Variants in RFC5 observed in about 807,000 individuals in gnomAD.
RFC5 encodes the protein replication factor C subunit 5, also known as A1 36 kDa subunit.
In RFC5, 26 loss-of-function variants were observed where a neutral mutation model predicts 44.3. That is an observed-to-expected ratio of 0.59 (90% CI 0.43 to 0.81). RFC5 has a LOEUF of 0.81. RFC5 is among the 40% of genes least tolerant of loss of function. The probability of loss-of-function intolerance (pLI) is 0.00; values close to 1 mark genes in which losing one functional copy is unlikely to be tolerated. For synonymous variants in RFC5, 155 were observed against 155.2 expected, an observed-to-expected ratio of 1.00 and a Z score of 0.01; for missense variants, 328 against 418.6, an observed-to-expected ratio of 0.78 and a Z score of 1.89.
intron 8 of RFC5, chr12:118,027,413 C>G: frequency 5.7e-6 from 1 of 174,154 alleles, no homozygotes; most frequent in East Asian, 1.7e-4. Context: ...TGGCTCATGC[C>G]TATAATCCCA....
intron 10 of RFC5, among the ~76,000 whole-genome samples, chr12:118,030,801 G>C (rs999567503): frequency 6.6e-6 from 1 of 152,116 alleles, no homozygotes; most frequent in African/African-American, 2.4e-5. Context: ...ACCATGCCCA[G>C]CTAATTTTTG....
At chr12:118,039,707 G>T in the RFC5 span, among the ~76,000 whole-genome samples, 5 of 151,768 alleles carry the variant, frequency 3.3e-5, no homozygotes, top group Non-Finnish European at 1.5e-5. Flanking sequence ...AAGTTTATGC[G>T]GATGTATGGA....
downstream of RFC5, among the ~76,000 whole-genome samples, chr12:118,037,469 C>T (rs1421438113): frequency 1.3e-5 from 2 of 152,084 alleles, no homozygotes; most frequent in Non-Finnish European, 2.9e-5. Flanking sequence ...GAGTTCAAGA[C>T]CAGCCTGGCT....
downstream of RFC5, chr12:118,035,211 T>C: frequency 1.2e-6 from 2 of 1,614,126 alleles, no homozygotes; most frequent in Non-Finnish European, 1.7e-6. Flanking sequence ...TTCTCTTCGT[T>C]ACCTGTCATC....
chr12:118,022,445 G>T (rs2030574328), intron 5 of RFC5, 86 bp downstream of exon 5: 1 of 943,110 alleles, frequency 1.1e-6, no homozygotes, highest in Non-Finnish European at 1.7e-6. Flanking sequence ...TGTTGTCATT[G>T]TTTTTTTAGG....
chr12:118,026,735 C>T (rs138404668), intron 7 of RFC5, among the ~76,000 whole-genome samples, 154 bp from the exon 8 acceptor site: 71 of 152,284 alleles, frequency 4.7e-4, no homozygotes, highest in African/African-American at 1.6e-3. Context: ...GTGACTCTTC[C>T]GGTATTGAAT....
At chr12:118,022,002 C>T (rs766786936) in intron 4 of RFC5, among the ~76,000 whole-genome samples, 16 of 151,998 alleles carry the variant, frequency 1.1e-4, no homozygotes, top group Admixed American at 3.3e-4. Context: ...GTGAGGGAGA[C>T]GGGAAAAGCA....
chr12:118,031,139 T>C (rs758266498), intron 10 of RFC5, 43 bp from the exon 11 acceptor site: 1 of 1,372,442 alleles, frequency 7.3e-7, no homozygotes, highest in Admixed American at 1.7e-5. Context: ...AAGGCAGCTG[T>C]GTTTGGTGTC....
chr12:118,024,575 GCCA>G (rs1197131729), intron 5 of RFC5, among the ~76,000 whole-genome samples: 2 of 150,966 alleles, frequency 1.3e-5, no homozygotes, highest in Non-Finnish European at 3.0e-5. Flanking sequence ...ACAGGCATGT[GCCA>G]CCACACCTGG....
At position 118,016,863 on chromosome 12, in the gene RFC5, C is replaced by T; in HGVS notation, c.36C>T (p.Pro12=). The T allele has an allele frequency of 5.0e-6, 8 of 1,613,480 alleles. No homozygotes were observed. The highest frequency in any genetic ancestry group is 1.1e-5 in the South Asian group (1 of 91,034). ...ETSALKQQEQ[P]AATKIRNLPW... ...CAGCACTCAAGCAGCAGGAGCAGCC[C>T]GCGGCGACCAAGATCAGGAACCTGC... Residue 12 remains proline, a synonymous_variant, in exon 1 of 11, where the codon CCC becomes CCT. Transcript: ENST00000454402.
At chr12:118,040,541 C>T in the RFC5 span, among the ~76,000 whole-genome samples, 1 of 151,614 alleles carries the variant, frequency 6.6e-6, no homozygotes, top group Non-Finnish European at 1.5e-5. Context: ...TGGGCAGATC[C>T]CTTCAGGTCA....
At chr12:118,037,556 T>A (rs1232606252), downstream of RFC5, among the ~76,000 whole-genome samples, 1 of 151,496 alleles carries the variant, frequency 6.6e-6, no homozygotes, top group Non-Finnish European at 1.5e-5. Flanking sequence ...TAATCCCAGC[T>A]ACTCGGGAGG....
chr12:118,031,044 C>T, intron 10 of RFC5, 138 bp from the exon 11 acceptor site: 3 of 591,616 alleles, frequency 5.1e-6, no homozygotes, highest in South Asian at 2.1e-5. Context: ...TACAAGATTG[C>T]CATCCAGGGC....
the RFC5 span, among the ~76,000 whole-genome samples, chr12:118,040,858 GCCAACGTGGTGAAAC>G: frequency 6.6e-6 from 1 of 152,190 alleles, no homozygotes; most frequent in Non-Finnish European, 1.5e-5. Context: ...GACCAGCCTG[GCCAACGTGGTGAAAC>G]CCTGTCTCTA....
the RFC5 span, among the ~76,000 whole-genome samples, chr12:118,040,511 A>T: frequency 6.6e-6 from 1 of 152,252 alleles, no homozygotes; most frequent in Non-Finnish European, 1.5e-5. Context: ...CTGTAATCCC[A>T]GCACTTTGGG....
downstream of RFC5, among the ~76,000 whole-genome samples, chr12:118,037,135 T>C (rs566719779): frequency 3.1e-4 from 47 of 152,040 alleles, no homozygotes; most frequent in African/African-American, 1.1e-3. Flanking sequence ...TGACCTGAGA[T>C]CACGTCACTG....
In RFC5 at chr12:118,024,900, T is replaced by C. The variant is rs1161837354; in HGVS notation, c.471T>C (p.Tyr157=). ...CCAGATTCTGCCTCATCTGTAACTA[T>C]CTGTCAAAGATCATCCCTGCCTTGC... The part of the protein sequence containing the change: ...ENTRFCLICN[Y]LSKIIPALQS... Residue 157 remains tyrosine, a synonymous_variant, in exon 6 of 11, where the codon TAT becomes TAC. Transcript: ENST00000454402. 1 of 1,613,830 alleles carries C rather than the reference T, an allele frequency of 6.2e-7. No individual in the cohort carries two copies. Among genetic ancestry groups the C allele is most frequent in the Non-Finnish European group, 8.5e-7 (1 of 1,179,750 alleles).
At chr12:118,037,509 A>G (rs2031539416), downstream of RFC5, among the ~76,000 whole-genome samples, 1 of 152,108 alleles carries the variant, frequency 6.6e-6, no homozygotes, top group South Asian at 2.1e-4. Flanking sequence ...TCTACTAAAA[A>G]TACAAAAAAT....
chr12:118,041,187 T>A, the RFC5 span, among the ~76,000 whole-genome samples: 1 of 152,238 alleles, frequency 6.6e-6, no homozygotes, highest in South Asian at 2.1e-4. Flanking sequence ...CATAAAGCCC[T>A]AATCCCCAAT....
Sources: gnomAD v4.1 joint callset for allele counts (sites outside exome capture counted in the v4.1 genomes callset) on GRCh38, gnomAD v4.1.1 for gene constraint, MANE v1.5 for transcripts, NCBI Gene and HGNC (gene_info 2026-07-23, HGNC 2026-07-21) for gene names.